Variants in PLA2G2F observed in about 807,000 individuals in gnomAD.
PLA2G2F encodes group IIF secretory phospholipase A2.
PLA2G2F carries 17 observed loss-of-function variants against 15.9 expected under a neutral mutation model. The observed-to-expected ratio is 1.07, with a 90% CI of 0.73 to 1.60. The LOEUF (loss-of-function observed/expected upper bound fraction) is 1.60, where lower values mean the gene tolerates loss of function less well. PLA2G2F is among the 40% of genes most tolerant of loss of function. The probability of loss-of-function intolerance (pLI) is 0.00; values close to 1 mark genes in which losing one functional copy is unlikely to be tolerated. For missense variants in PLA2G2F, 299 were observed against 278.2 expected (o/e 1.07, Z -0.53); for synonymous variants, 119 against 106.5 (o/e 1.12, Z -0.72).
chr1:20,140,229 A>G lies in PLA2G2F; in HGVS notation c.169+11A>G. On this transcript the variant is annotated intron_variant, in intron 2 of 4. Coordinates refer to ENST00000375102, the MANE Select transcript of PLA2G2F (RefSeq NM_022819.4). Reference sequence around the variant, plus strand: ...TCCTTGCTGGCAGCGGTGAGTAAAGACTCCAGAGGGCTCCTCCTTCTCTCC... The same window carrying G: ...TCCTTGCTGGCAGCGGTGAGTAAAGGCTCCAGAGGGCTCCTCCTTCTCTCC... The G allele has an allele frequency of 1.2e-6, 2 of 1,612,074 alleles. No individual in the cohort carries two copies. The highest frequency in any genetic ancestry group is 1.7e-6 in the Non-Finnish European group (2 of 1,179,058).
At chr1:20,139,639 C>T (rs904563949) in intron 1 of PLA2G2F, 96 bp downstream of exon 1, 22 of 959,036 alleles carry the variant, frequency 2.3e-5, no homozygotes, top group Admixed American at 9.3e-5. Context: ...TAAGAGTCCA[C>T]GTGGTGGGCA....
chr1:20,148,051 T>C, intron 4 of PLA2G2F, 139 bp from the exon 5 acceptor site: 4 of 716,094 alleles, frequency 5.6e-6, no homozygotes, highest in Non-Finnish European at 9.9e-6. Context: ...CCGTGGGTGG[T>C]GCTGGTCCTG....
intron 4 of PLA2G2F, among the ~76,000 whole-genome samples, 161 bp from the exon 5 acceptor site, chr1:20,148,029 G>A (rs1395272764): frequency 6.6e-6 from 1 of 152,056 alleles, no homozygotes; most frequent in Admixed American, 6.5e-5. Context: ...CCTTGTAAGC[G>A]TGGGGTGGGG....
chr1:20,140,319 T>C, intron 2 of PLA2G2F, 101 bp downstream of exon 2: 1 of 1,291,120 alleles, frequency 7.7e-7, no homozygotes, highest in Non-Finnish European at 1.1e-6. Flanking sequence ...CAGCCTAGGT[T>C]CCTTCCTGTC....
rs572033551 is a variant in PLA2G2F at position 20,149,964 on chromosome 1, G to A, written c.*1563G>A. The A allele has an allele frequency of 6.6e-6, 1 of 152,582 alleles. No homozygotes were observed. Among genetic ancestry groups the A allele is most frequent in the Non-Finnish European group, 1.5e-5 (1 of 68,218 alleles). 9.5% of individuals were successfully genotyped at this position (152,582 alleles called of 1,614,324 possible). ...TGGAGCACCATTGTCGCTGGGGAGG[G>A]AGAGCCGGGAAGGGTGGAGAAGGAG... is the stretch of plus-strand genomic sequence containing the variant. On this transcript the variant is annotated 3_prime_UTR_variant, in exon 5 of 5. Coordinates refer to ENST00000375102, the MANE Select transcript of PLA2G2F (RefSeq NM_022819.4).
rs564076851 is a variant in PLA2G2F, at chr1:20,143,037, C to T, written c.170-409C>T. Reference sequence around the variant, plus strand: ...TTCTGTCTCCACTGCTTTCTGACAACGGGATGTAGAGCAAGTTACTAAATG... The same window carrying T: ...TTCTGTCTCCACTGCTTTCTGACAATGGGATGTAGAGCAAGTTACTAAATG... On this transcript the variant is annotated intron_variant, in intron 2 of 4. Transcript: ENST00000375102. 6.8e-4 allele frequency: 107 copies of T among 156,782 alleles called. No individual in the cohort carries two copies. The South Asian group carries it at 9.6e-3, about 14-fold the overall frequency. The allele number at this position is 156,782 out of a possible 1,614,324, so 9.7% of individuals were successfully genotyped here.
intron 1 of PLA2G2F, among the ~76,000 whole-genome samples, chr1:20,139,931 G>T (rs1484617897): frequency 6.6e-6 from 1 of 152,134 alleles, no homozygotes; most frequent in African/African-American, 2.4e-5. Flanking sequence ...CGTGGAGGGG[G>T]TTCCTGCCAG....
In PLA2G2F at chr1:20,150,373, C is replaced by G. The variant is rs1482744582; in HGVS notation, c.*1972C>G. ...CTCTCCTCAAATGAATAAAGGCCTC[C>G]TACCTCAACTCCCCATGGCTGGCCC... On this transcript the variant is annotated 3_prime_UTR_variant, in exon 5 of 5. Coordinates refer to ENST00000375102, the MANE Select transcript of PLA2G2F (RefSeq NM_022819.4). 6.6e-6 allele frequency: 1 copy of G among 152,318 alleles called. No homozygotes were observed. The highest frequency in any genetic ancestry group is 1.5e-5 in the Non-Finnish European group (1 of 68,106). The allele number at this position is 152,318 out of a possible 1,614,324, so 9.4% of individuals were successfully genotyped here. A position where few individuals can be genotyped will look rare whatever the true frequency, so the allele number is the denominator to read the frequency against.
At chr1:20,140,073 C>T (rs2017428466) in intron 1 of PLA2G2F, 93 bp from the exon 2 acceptor site, 1 of 1,318,570 alleles carries the variant, frequency 7.6e-7, no homozygotes, top group South Asian at 1.3e-5. Flanking sequence ...GCATTGATGA[C>T]ACCTGTCCTG....
At chr1:20,145,227 A>G (rs1447747269) in intron 4 of PLA2G2F, among the ~76,000 whole-genome samples, 1 of 152,178 alleles carries the variant, frequency 6.6e-6, no homozygotes, top group African/African-American at 2.4e-5. Flanking sequence ...CTAGTATAAA[A>G]TTAATTAATA....
chr1:20,147,933 G>T (rs2017643792), intron 4 of PLA2G2F, among the ~76,000 whole-genome samples: 1 of 152,182 alleles, frequency 6.6e-6, no homozygotes, highest in Admixed American at 6.5e-5. Context: ...TTGGGCTTCA[G>T]TGGTTCCCCA....
intron 4 of PLA2G2F, among the ~76,000 whole-genome samples, chr1:20,146,910 G>A (rs2017624798): frequency 6.6e-6 from 1 of 152,168 alleles, no homozygotes; most frequent in Non-Finnish European, 1.5e-5. Context: ...TTCATGCTGG[G>A]TTCTGGGAAT....
chr1:20,141,489 GGT>G (rs2017468718), intron 2 of PLA2G2F: 1 of 152,408 alleles, frequency 6.6e-6, no homozygotes. Context: ...GAGGTGGGCA[GGT>G]GTGTGAGTGT....
At position 20,149,076 on chromosome 1, in the gene PLA2G2F, C is replaced by T. The variant is rs1484233069; in HGVS notation, c.*675C>T. 1 of 152,932 alleles carries T rather than the reference C, an allele frequency of 6.5e-6. No individual in the cohort carries two copies. Among genetic ancestry groups the T allele is most frequent in the Non-Finnish European group, 1.5e-5 (1 of 68,654 alleles). 9.5% of individuals were successfully genotyped at this position (152,932 alleles called of 1,614,324 possible). A position where few individuals can be genotyped will look rare whatever the true frequency, so the allele number is the denominator to read the frequency against. Reference sequence around the variant, plus strand: ...AGGCTCCTGGGCACTGACAGAGCCACACACCCAGGTACACCCCCCAGGCTA... The same window carrying T: ...AGGCTCCTGGGCACTGACAGAGCCATACACCCAGGTACACCCCCCAGGCTA... On this transcript the variant is annotated 3_prime_UTR_variant, in exon 5 of 5. Coordinates refer to ENST00000375102, the MANE Select transcript of PLA2G2F (RefSeq NM_022819.4).
chr1:20,144,285 G>A (rs922362203), intron 3 of PLA2G2F, among the ~76,000 whole-genome samples: 16 of 152,172 alleles, frequency 1.1e-4, no homozygotes, highest in Non-Finnish European at 1.6e-4. Context: ...CTGCAGCCGG[G>A]GCTCTGGGGG....
chr1:20,139,679 T>C, intron 1 of PLA2G2F, 136 bp downstream of exon 1: 1 of 677,494 alleles, frequency 1.5e-6, no homozygotes, highest in Non-Finnish European at 2.4e-6. Flanking sequence ...TAGTCAACCT[T>C]CACGTGGCAC....
chr1:20,143,445 G>T lies in PLA2G2F; in HGVS notation c.170-1G>T, dbSNP rs572005890. The T allele has an allele frequency of 1.9e-5, 30 of 1,613,522 alleles. 1 individual carries two copies. The South Asian group carries it at 3.3e-4, about 18-fold the overall frequency. ...CAGAGCACCCCCTGGTTCTCTTGCA[G>T]TTCTGTCCACAGCTCACGGCAGCCT... On this transcript the variant is annotated splice_acceptor_variant, in intron 2 of 4. Coordinates refer to ENST00000375102, the MANE Select transcript of PLA2G2F (RefSeq NM_022819.4). LOFTEE classifies it high-confidence loss of function.
intron 4 of PLA2G2F, among the ~76,000 whole-genome samples, chr1:20,146,509 G>A (rs1431511453): frequency 2.0e-5 from 3 of 152,168 alleles, no homozygotes; most frequent in African/African-American, 2.4e-5. Context: ...AAGTAGCAGC[G>A]CCCAGGTGTC....
Position 20,144,630 on chromosome 1 carries a change from G to A in PLA2G2F, c.365G>A (p.Cys122Tyr). The change falls in exon 4 of 5, where the codon TGT becomes TAT. Residue 122 changes from cysteine (C) to tyrosine (Y), a missense_variant. Cys to Tyr is a radical substitution (Grantham distance 194). Transcript: ENST00000375102. ...CCYQELFDQG[C>Y]HPYVDHYDHT... Reference sequence around the variant, plus strand: ...TACCAGGAACTCTTTGACCAAGGCTGTCACCCCTATGTGGACCACTATGAT... The same window carrying A: ...TACCAGGAACTCTTTGACCAAGGCTATCACCCCTATGTGGACCACTATGAT... The A allele has an allele frequency of 1.2e-6, 2 of 1,612,554 alleles. No individual in the cohort carries two copies. Among genetic ancestry groups the A allele is most frequent in the Non-Finnish European group, 1.7e-6 (2 of 1,179,392 alleles).
Sources: gnomAD v4.1 joint callset for allele counts (sites outside exome capture counted in the v4.1 genomes callset) on GRCh38, gnomAD v4.1.1 for gene constraint, MANE v1.5 for transcripts, NCBI Gene and HGNC (gene_info 2026-07-23, HGNC 2026-07-21) for gene names.